NALF1: variants seen among roughly 807,000 people sequenced by gnomAD.
The protein encoded by NALF1 is family with sequence similarity 155 member A.
Under a neutral mutation model 48.4 loss-of-function variants are expected in NALF1, and 3 were observed. The observed-to-expected ratio is 0.06, with a 90% CI of 0.03 to 0.16. The LOEUF (loss-of-function observed/expected upper bound fraction) is 0.16. Among genes scored for constraint, NALF1 ranks in the 10% least tolerant of loss-of-function variants. The probability of loss-of-function intolerance (pLI) is 1.00; values close to 1 mark genes in which losing one functional copy is unlikely to be tolerated. For synonymous variants in NALF1, 262 were observed against 245.7 expected, an observed-to-expected ratio of 1.07 and a Z score of -0.62; for missense variants, 526 against 571.5, an observed-to-expected ratio of 0.92 and a Z score of 0.81.
chr13:107,284,157 G>A (rs9558993), intron 1 of NALF1, among the ~76,000 whole-genome samples: 53,923 of 151,942 alleles, frequency 0.35, 10,674 homozygotes, highest in South Asian at 0.55. Context: ...AAAATCAGGC[G>A]TTTGAAAGCA....
chr13:107,803,544 TTTTATTTTGCTG>T (rs1878684656), intron 1 of NALF1, among the ~76,000 whole-genome samples: 1 of 152,166 alleles, frequency 6.6e-6, no homozygotes, highest in African/African-American at 2.4e-5. Flanking sequence ...AATATCACGT[TTTTATTTTGCTG>T]TTCTTTTTGT....
At chr13:107,585,939 G>A (rs1594143529) in intron 1 of NALF1, among the ~76,000 whole-genome samples, 1 of 152,018 alleles carries the variant, frequency 6.6e-6, no homozygotes, top group South Asian at 2.1e-4. Flanking sequence ...TTTAGCACTG[G>A]AACATTTGCT....
At chr13:107,384,657 T>C (rs1883497510) in intron 1 of NALF1, among the ~76,000 whole-genome samples, 1 of 152,188 alleles carries the variant, frequency 6.6e-6, no homozygotes, top group Admixed American at 6.5e-5. Flanking sequence ...ACAGATAACA[T>C]ATGAACCTTT....
At chr13:107,299,399 G>A (rs1338887539) in intron 1 of NALF1, among the ~76,000 whole-genome samples, 2 of 150,418 alleles carry the variant, frequency 1.3e-5, no homozygotes, top group African/African-American at 4.9e-5. Context: ...TCCTGCCACC[G>A]CACTCCAGCC....
chr13:107,267,813 G>A (rs374207236), intron 1 of NALF1, among the ~76,000 whole-genome samples: 3 of 152,034 alleles, frequency 2.0e-5, no homozygotes, highest in African/African-American at 7.2e-5. Context: ...CACACCAGTC[G>A]ATCTGATAAC....
chr13:107,754,394 CA>C lies in NALF1; in HGVS notation c.915+111287del, dbSNP rs1566469365. On this transcript the variant is annotated intron_variant, in intron 1 of 2. Coordinates refer to ENST00000375915, the MANE Select transcript of NALF1 (RefSeq NM_001080396.3). ...ACACACACACACACACACACACACACACACCATATATGGAACCGCTGAACAA... is the reference window on the plus strand; with the variant it reads ...ACACACACACACACACACACACACACCACCATATATGGAACCGCTGAACAA... 1.5e-3 allele frequency among the ~76,000 whole-genome samples: 209 copies of C among 139,172 alleles called. 3 individuals are homozygous for C. The East Asian group carries it at 0.027, about 18-fold the overall frequency. The allele number at this position is 139,172 out of a possible 152,430, so 91.3% of individuals were successfully genotyped here.
intron 1 of NALF1, among the ~76,000 whole-genome samples, chr13:107,694,351 A>G (rs1221968502): frequency 6.6e-6 from 1 of 152,000 alleles, no homozygotes; most frequent in Non-Finnish European, 1.5e-5. Flanking sequence ...TGATTCGACA[A>G]TTTAGTAAGC....
At chr13:107,299,374 T>C (rs949689906) in intron 1 of NALF1, among the ~76,000 whole-genome samples, 1 of 150,894 alleles carries the variant, frequency 6.6e-6, no homozygotes, top group African/African-American at 2.4e-5. Context: ...GAGGCGGAGG[T>C]AGCAGTGAGC....
intron 1 of NALF1, among the ~76,000 whole-genome samples, chr13:107,576,297 C>G (rs939954637): frequency 1.1e-4 from 16 of 152,314 alleles, no homozygotes; most frequent in Non-Finnish European, 4.4e-5. Context: ...TAACATCCTT[C>G]CTTCCCAGCT....
At chr13:107,310,266 C>T (rs1300188357) in intron 1 of NALF1, among the ~76,000 whole-genome samples, 1 of 151,744 alleles carries the variant, frequency 6.6e-6, no homozygotes, top group African/African-American at 2.4e-5. Flanking sequence ...AAAAATTAGC[C>T]GGGCGTGGTG....
intron 1 of NALF1, among the ~76,000 whole-genome samples, chr13:107,700,397 A>G (rs1330707555): frequency 6.6e-6 from 1 of 152,054 alleles, no homozygotes; most frequent in Non-Finnish European, 1.5e-5. Flanking sequence ...ATAATATGGG[A>G]AAATAGTTTA....
At chr13:107,285,230 G>A (rs1881469723) in intron 1 of NALF1, among the ~76,000 whole-genome samples, 1 of 152,150 alleles carries the variant, frequency 6.6e-6, no homozygotes, top group African/African-American at 2.4e-5. Context: ...GTCTTCTCTA[G>A]TCCTGTATAA....
At chr13:107,515,326 T>C (rs938031904) in intron 1 of NALF1, among the ~76,000 whole-genome samples, 4 of 152,190 alleles carry the variant, frequency 2.6e-5, no homozygotes, top group South Asian at 2.1e-4. Context: ...AGAAATTGTA[T>C]CTTTGGAAAA....
chr13:107,501,278 C>G (rs750901973), intron 1 of NALF1, among the ~76,000 whole-genome samples: 2 of 152,062 alleles, frequency 1.3e-5, no homozygotes, highest in African/African-American at 2.4e-5. Flanking sequence ...ACAAACACCC[C>G]CTAAAAGACC....
At chr13:107,207,602 T>C (rs545396727) in intron 2 of NALF1, among the ~76,000 whole-genome samples, 1 of 152,310 alleles carries the variant, frequency 6.6e-6, no homozygotes, top group Non-Finnish European at 1.5e-5. Context: ...GCAGCTGTGA[T>C]GGACAGGAGT....
intron 1 of NALF1, among the ~76,000 whole-genome samples, chr13:107,700,676 C>A (rs963733233): frequency 6.6e-6 from 1 of 152,012 alleles, no homozygotes; most frequent in Non-Finnish European, 1.5e-5. Context: ...AGAAAATAAT[C>A]TACAAAATGA....
At chr13:107,551,085 C>T (rs1252112781) in intron 1 of NALF1, among the ~76,000 whole-genome samples, 1 of 152,054 alleles carries the variant, frequency 6.6e-6, no homozygotes, top group Non-Finnish European at 1.5e-5. Flanking sequence ...CTTTCACTAT[C>T]ACCAGAACCT....
At chr13:107,271,170 T>C (rs1457497833) in intron 1 of NALF1, among the ~76,000 whole-genome samples, 1 of 152,202 alleles carries the variant, frequency 6.6e-6, no homozygotes, top group African/African-American at 2.4e-5. Flanking sequence ...CAAGATTATG[T>C]AACATTACAT....
chr13:107,616,317 C>T (rs1257991870), intron 1 of NALF1, among the ~76,000 whole-genome samples: 1 of 152,210 alleles, frequency 6.6e-6, no homozygotes, highest in Non-Finnish European at 1.5e-5. Context: ...TAATGATTAG[C>T]CTATTCTTTG....
Sources: gnomAD v4.1 joint callset for allele counts (sites outside exome capture counted in the v4.1 genomes callset) on GRCh38, gnomAD v4.1.1 for gene constraint, MANE v1.5 for transcripts, NCBI Gene and HGNC (gene_info 2026-07-23, HGNC 2026-07-21) for gene names.